Variants in WRAP73 observed in about 807,000 individuals in gnomAD.
WRAP73 encodes the protein WD repeat-containing protein WRAP73.
A neutral mutation model predicts 59.6 loss-of-function variants in WRAP73; 55 were observed. That is an observed-to-expected ratio of 0.92 (90% CI 0.74 to 1.15). The LOEUF is 1.15. Ranked by LOEUF, WRAP73 falls within the 50% of genes most tolerant of loss-of-function variation. The probability of loss-of-function intolerance (pLI) is 0.00; values close to 1 mark genes in which losing one functional copy is unlikely to be tolerated. For synonymous variants in WRAP73, 265 were observed against 258.2 expected (o/e 1.03, Z -0.25); for missense variants, 592 against 608.1 (o/e 0.97, Z 0.28).
chr1:3,649,869 T>C, intron 1 of WRAP73, 62 bp downstream of exon 1: 1 of 1,531,978 alleles, frequency 6.5e-7, no homozygotes, highest in Non-Finnish European at 8.8e-7. Context: ...CCCCCGGCCC[T>C]GCCCGCCGGG....
chr1:3,641,954 C>G (rs778166487), intron 3 of WRAP73, among the ~76,000 whole-genome samples: 1 of 152,182 alleles, frequency 6.6e-6, no homozygotes, highest in Non-Finnish European at 1.5e-5. Flanking sequence ...CAAAAAGAAC[C>G]GTGAGACATA....
At chr1:3,647,053 G>A (rs1335646648) in intron 2 of WRAP73, among the ~76,000 whole-genome samples, 11 of 152,140 alleles carry the variant, frequency 7.2e-5, no homozygotes, top group Non-Finnish European at 2.9e-5. Context: ...ATTTCATTTC[G>A]TTGTTGTTTT....
intron 10 of WRAP73, chr1:3,631,936 G>A (rs1002143445): frequency 1.4e-6 from 2 of 1,389,918 alleles, no homozygotes; most frequent in Non-Finnish European, 1.9e-6. Flanking sequence ...TTAACAAAAG[G>A]CGGGCTGCAG....
At chr1:3,642,737 CAAAA>C (rs35743795) in intron 3 of WRAP73, among the ~76,000 whole-genome samples, 1 of 96,618 alleles carries the variant, frequency 1.0e-5, no homozygotes. Context: ...AACTCCATCT[CAAAA>C]AAAAAAAAAA....
At chr1:3,641,636 G>A (rs1283982679) in intron 3 of WRAP73, among the ~76,000 whole-genome samples, 3 of 152,210 alleles carry the variant, frequency 2.0e-5, no homozygotes, top group Middle Eastern at 3.2e-3. Context: ...CCCATGCCAC[G>A]GGCGAACAGT....
rs1644622175 is a variant in WRAP73, at chr1:3,639,868, G to T, written c.340-1046C>A. 6.6e-6 allele frequency among the ~76,000 whole-genome samples: 1 copy of T among 152,118 alleles called. No homozygotes were observed. The highest frequency in any genetic ancestry group is 2.4e-5 in the African/African-American group (1 of 41,420). ...GTGTCAGGCAGGGGTCCTCGCTGAG[G>T]ATGAGGCCCGGGGTGGGGGACCGTC... is the stretch of plus-strand genomic sequence containing the variant. On this transcript the variant is annotated intron_variant, in intron 3 of 11. Transcript: ENST00000270708. The surrounding 1 kb of genome is among the most constrained non-coding windows in gnomAD (Gnocchi z 4.3).
In WRAP73 at chr1:3,646,767, G is replaced by C. The variant is rs770833928; in HGVS notation, c.238C>G (p.Gln80Glu). ...TCTATTTTGCAGTGCCATTCGGGCT[G>C]CTCTAAAGACCAGACCTGGATTGAG... The part of the protein sequence containing the change: ...RGLVQVWSLE[Q>E]PEWHCKIDEG... The change falls in exon 3 of 12, where the codon CAG becomes GAG. Residue 80 changes from glutamine (Q) to glutamate (E), a missense_variant. Coordinates refer to ENST00000270708, the MANE Select transcript of WRAP73 (RefSeq NM_017818.4). This position sits in a 1 kb window ranked among gnomAD's most constrained non-coding sequence, Gnocchi z 5.1. 6.2e-7 allele frequency: 1 copy of C among 1,612,284 alleles called. No individual in the cohort carries two copies. The highest frequency in any genetic ancestry group is 8.5e-7 in the Non-Finnish European group (1 of 1,179,248).
chr1:3,646,607 T>C lies in WRAP73; in HGVS notation c.339+59A>G. The C allele has an allele frequency of 1.4e-6, 2 of 1,450,206 alleles. No individual in the cohort carries two copies. The allele number at this position is 1,450,206 out of a possible 1,614,324, so 89.8% of individuals were successfully genotyped here. The stretch of plus-strand genomic sequence containing the variant: ...CACCCCCTCTCGCACTCCCCAGCTG[T>C]TTCGAGAGCAGAGGACAGGATCACA... On this transcript the variant is annotated intron_variant, in intron 3 of 11. Transcript: ENST00000270708. The surrounding 1 kb of genome is among the most constrained non-coding windows in gnomAD (Gnocchi z 5.1).
chr1:3,642,837 T>C (rs1644659454), intron 3 of WRAP73, among the ~76,000 whole-genome samples: 1 of 151,452 alleles, frequency 6.6e-6, no homozygotes, highest in East Asian at 1.9e-4. Flanking sequence ...AAATGGAGCA[T>C]GTGTGAGCGT....
chr1:3,633,372 C>G (rs374441286), intron 9 of WRAP73, 26 bp downstream of exon 9: 216 of 1,586,136 alleles, frequency 1.4e-4, no homozygotes, highest in Non-Finnish European at 1.8e-4. Context: ...AAAAGGAAAA[C>G]AAATGACATC....
In WRAP73 at chr1:3,635,057, G is replaced by A. The variant is rs1331585816; in HGVS notation, c.756C>T (p.His252=). 2.1e-5 allele frequency: 34 copies of A among 1,614,098 alleles called. No individual in the cohort carries two copies. Among genetic ancestry groups the A allele is most frequent in the Middle Eastern group, 1.6e-4 (1 of 6,084 alleles). ...ACTCCGTGATCATTTTCCAAGTCAC[G>A]TGATTAAGGATGCGCACCTGAGGAA... is the stretch of plus-strand genomic sequence containing the variant. ...SYDGKVRILN[H]VTWKMITEFG... Residue 252 remains histidine (H), a synonymous_variant, in exon 8 of 12, where the codon CAC becomes CAT. Coordinates refer to ENST00000270708, the MANE Select transcript of WRAP73 (RefSeq NM_017818.4).
intron 10 of WRAP73, 67 bp downstream of exon 10, chr1:3,632,146 C>T (rs201052122): frequency 3.3e-6 from 5 of 1,528,292 alleles, no homozygotes; most frequent in Non-Finnish European, 3.5e-6. Context: ...CTTTTCCAGT[C>T]GCTTCTACAC....
At chr1:3,633,891 T>G in intron 8 of WRAP73, 1 of 174,564 alleles carries the variant, frequency 5.7e-6, no homozygotes, top group East Asian at 1.7e-4. Flanking sequence ...AGACCCGAGG[T>G]GGGGGCATCT....
At chr1:3,634,912 C>G in intron 8 of WRAP73, 85 bp downstream of exon 8, 1 of 1,491,730 alleles carries the variant, frequency 6.7e-7, no homozygotes, top group South Asian at 1.1e-5. Flanking sequence ...TAATAAACCA[C>G]AATCAAGAAA....
intron 10 of WRAP73, 113 bp downstream of exon 10, chr1:3,632,100 A>T (rs1436982929): frequency 2.0e-6 from 3 of 1,507,046 alleles, no homozygotes; most frequent in Non-Finnish European, 2.6e-6. Context: ...GAAACGTGAA[A>T]GGAGGTGACG....
At chr1:3,633,271 TG>T in intron 9 of WRAP73, 126 bp downstream of exon 9, 1 of 877,360 alleles carries the variant, frequency 1.1e-6, no homozygotes, top group Non-Finnish European at 1.9e-6. Flanking sequence ...AGGGGCACAC[TG>T]GCTGGAAGCA....
rs1353069561 is a variant in WRAP73, at chr1:3,633,438, G to A, written c.882C>T (p.Pro294=). 4 of 1,612,558 alleles carry A rather than the reference G, an allele frequency of 2.5e-6. No homozygotes were observed. The highest frequency in any genetic ancestry group is 3.4e-6 in the Non-Finnish European group (4 of 1,179,792). Residue 294 remains proline, a synonymous_variant, in exon 9 of 12, where the codon CCC becomes CCT. Transcript: ENST00000270708. ...LGLGCLSFPP[P]RAGAGPLPSS... is the part of the protein sequence containing the mutation. Reference sequence around the variant, plus strand: ...TCGGGAGAGGGCCGGCCCCGGCCCGGGGCGGCGGGAAGGAGAGGCAGCCCA... The same window carrying A: ...TCGGGAGAGGGCCGGCCCCGGCCCGAGGCGGCGGGAAGGAGAGGCAGCCCA...
At position 3,631,038 on chromosome 1, in the gene WRAP73, G is replaced by A. The variant is rs572733352; in HGVS notation, c.1320C>T (p.Leu440=). 7 of 1,613,224 alleles carry A rather than the reference G, an allele frequency of 4.3e-6. No homozygotes were observed. The highest frequency in any genetic ancestry group is 1.6e-4 in the Middle Eastern group (1 of 6,062). Residue 440 remains leucine (L), a synonymous_variant, in exon 12 of 12, where the codon CTC becomes CTT. Transcript: ENST00000270708. ...CCACTGCCTCTGTCTCCAGGAAGCA[G>A]AGGCAGAAGTGATCCTTGCTGAGGA... The part of the protein sequence containing the change: ...MALLSKDHFC[L]CFLETEAVVG...
chr1:3,642,461 G>A (rs1361034272), intron 3 of WRAP73, among the ~76,000 whole-genome samples: 3 of 152,122 alleles, frequency 2.0e-5, no homozygotes, highest in Admixed American at 6.6e-5. Flanking sequence ...GCTGGGAGCT[G>A]GGCACGGTGG....
Sources: allele counts gnomAD v4.1 joint callset (sites outside exome capture counted in the v4.1 genomes callset), GRCh38; gene constraint gnomAD v4.1.1; non-coding constraint Gnocchi (gnomAD v3.1); transcripts MANE v1.5; gene names NCBI Gene and HGNC (gene_info 2026-07-23, HGNC 2026-07-21).